The following RBFOX1 variants were observed in gnomAD, a reference collection of about 807,000 sequenced individuals.
RBFOX1 encodes the protein RNA binding fox-1 homolog 1, also known as RNA binding protein fox-1 homolog 1.
A neutral mutation model predicts 57.7 loss-of-function variants in RBFOX1; 8 were observed. That is an observed-to-expected ratio of 0.14 (90% confidence interval 0.08 to 0.25). The LOEUF is 0.25. RBFOX1 is among the 10% of genes least tolerant of loss of function. RBFOX1 has a pLI of 1.00. For missense variants in RBFOX1, 611 were observed against 548.5 expected (o/e 1.11, Z -1.14); for synonymous variants, 326 against 222.4 (o/e 1.47, Z -4.15).
chr16:5,663,687 C>T (rs2049734753), intron 3 of RBFOX1, among the ~76,000 whole-genome samples: 1 of 152,192 alleles, frequency 6.6e-6, no homozygotes, highest in Admixed American at 6.5e-5. Flanking sequence ...CTGAGGACTG[C>T]AGGAATCACG....
chr16:7,243,468 C>G (rs561949971), intron 4 of RBFOX1, among the ~76,000 whole-genome samples: 1 of 152,268 alleles, frequency 6.6e-6, no homozygotes, highest in African/African-American at 2.4e-5. Flanking sequence ...GGTGAAGAAA[C>G]TGAGGCTTAA....
intron 4 of RBFOX1, among the ~76,000 whole-genome samples, chr16:5,869,468 C>G (rs908967328): frequency 1.3e-5 from 2 of 152,190 alleles, no homozygotes; most frequent in African/African-American, 4.8e-5. Flanking sequence ...GTGGCACAAT[C>G]TCGGCTCACT....
At chr16:7,002,744 A>T (rs896657066) in intron 3 of RBFOX1, among the ~76,000 whole-genome samples, 2 of 152,178 alleles carry the variant, frequency 1.3e-5, no homozygotes, top group Non-Finnish European at 2.9e-5. Flanking sequence ...ACTATTTTCA[A>T]ATAGCACTAA....
At chr16:7,039,399 G>A (rs1445000082) in intron 3 of RBFOX1, among the ~76,000 whole-genome samples, 2 of 152,208 alleles carry the variant, frequency 1.3e-5, no homozygotes, top group African/African-American at 2.4e-5. Context: ...CATCGTGGGA[G>A]AGCTGGGTGT....
intron 1 of RBFOX1, among the ~76,000 whole-genome samples, chr16:6,072,701 A>T (rs1302641268): frequency 6.6e-6 from 1 of 151,220 alleles, no homozygotes; most frequent in Non-Finnish European, 1.5e-5. Context: ...TTTGATTTGC[A>T]TTTCCCTATG....
chr16:7,507,810 G>A (rs908804924), intron 4 of RBFOX1, among the ~76,000 whole-genome samples: 3 of 151,960 alleles, frequency 2.0e-5, no homozygotes, highest in South Asian at 2.1e-4. Context: ...TGATCCGCCC[G>A]CCTCGGTCTT....
intron 4 of RBFOX1, among the ~76,000 whole-genome samples, chr16:7,249,731 T>G (rs925921464): frequency 2.6e-5 from 4 of 152,174 alleles, no homozygotes; most frequent in Admixed American, 2.6e-4. Context: ...TCTTGTGCTA[T>G]CTCTGATTTT....
At chr16:6,210,361 C>CAAAAAAAAAAAAAAAAAAA (rs3064933) in intron 1 of RBFOX1, among the ~76,000 whole-genome samples, 3 of 61,446 alleles carry the variant, frequency 4.9e-5, no homozygotes, top group Non-Finnish European at 7.0e-5. Flanking sequence ...AAAAAAACAC[C>CAAAAAAAAAAAAAAAAAAA]AAAAAAAAAA....
chr16:5,812,741 C>A (rs1479321615), intron 3 of RBFOX1, among the ~76,000 whole-genome samples: 1 of 152,156 alleles, frequency 6.6e-6, no homozygotes, highest in East Asian at 1.9e-4. Flanking sequence ...GAATTACAGG[C>A]ATGATCCACC....
chr16:7,393,319 G>C (rs2098077604), intron 4 of RBFOX1, among the ~76,000 whole-genome samples: 1 of 152,176 alleles, frequency 6.6e-6, no homozygotes, highest in African/African-American at 2.4e-5. Flanking sequence ...TGGGGTACTT[G>C]ATTGGCAAGA....
At chr16:6,806,722 G>A (rs997355892) in intron 3 of RBFOX1, among the ~76,000 whole-genome samples, 10 of 148,362 alleles carry the variant, frequency 6.7e-5, no homozygotes, top group Admixed American at 2.0e-4. Context: ...TATTACCAGG[G>A]GAGCATCTTT....
chr16:5,562,353 G>T (rs991570373), intron 2 of RBFOX1, among the ~76,000 whole-genome samples: 5 of 152,156 alleles, frequency 3.3e-5, no homozygotes, highest in South Asian at 2.1e-4. Context: ...TATTGGAACT[G>T]CTGGGGTCAG....
intron 1 of RBFOX1, among the ~76,000 whole-genome samples, chr16:5,315,766 G>C (rs2064220225): frequency 6.6e-6 from 1 of 152,208 alleles, no homozygotes; most frequent in Admixed American, 6.5e-5. Flanking sequence ...TGAAGGCTGG[G>C]AAGAAGGTGA....
chr16:7,583,662 G>T (rs921062020), intron 6 of RBFOX1, among the ~76,000 whole-genome samples: 3 of 152,070 alleles, frequency 2.0e-5, no homozygotes, highest in African/African-American at 7.2e-5. Context: ...TGATTCCACA[G>T]CCTTACTTTA....
In RBFOX1 at chr16:6,011,060, C is replaced by G. The variant is rs148674984; in HGVS notation, c.351+143725C>G. Among the ~76,000 whole-genome samples the G allele has an allele frequency of 2.0e-5, 3 of 152,268 alleles. No homozygotes were observed. In the East Asian group the frequency reaches 5.8e-4, roughly 29 times the overall value. ...ATTTCATCCTAAATGGCTTAAATAT[C>G]TTTACTTATCCATTTGTAATAAAAA... On this transcript the variant is annotated intron_variant, in intron 4 of 19. Coordinates refer to the RBFOX1 transcript ENST00000641259.
intron 3 of RBFOX1, among the ~76,000 whole-genome samples, chr16:5,683,834 A>G (rs2050421583): frequency 6.7e-6 from 1 of 148,972 alleles, no homozygotes; most frequent in Admixed American, 6.7e-5. Flanking sequence ...AATGTATATT[A>G]TATGTAAATT....
At chr16:5,511,243 G>A (rs970310192) in intron 2 of RBFOX1, among the ~76,000 whole-genome samples, 7 of 152,168 alleles carry the variant, frequency 4.6e-5, no homozygotes, top group African/African-American at 9.7e-5. Context: ...CTTGGCTGGC[G>A]GAACTGAGAT....
intron 4 of RBFOX1, among the ~76,000 whole-genome samples, chr16:7,295,523 A>C (rs1029447447): frequency 2.0e-5 from 3 of 152,172 alleles, no homozygotes; most frequent in African/African-American, 7.2e-5. Flanking sequence ...AGGAAGGAAA[A>C]GTATCATTAT....
chr16:6,683,591 G>A (rs2058993542), intron 3 of RBFOX1, among the ~76,000 whole-genome samples: 1 of 152,176 alleles, frequency 6.6e-6, no homozygotes, highest in Admixed American at 6.5e-5. Flanking sequence ...ATACATGTGT[G>A]TGTGTATGTA....
Sources: allele counts gnomAD v4.1 joint callset (sites outside exome capture counted in the v4.1 genomes callset), GRCh38; gene constraint gnomAD v4.1.1; transcripts MANE v1.5; gene names NCBI Gene and HGNC (gene_info 2026-07-23, HGNC 2026-07-21).